The following CAMSAP3 variants were observed in gnomAD, a reference collection of about 807,000 sequenced individuals.
CAMSAP3 encodes calmodulin-regulated spectrin-associated protein 3.
A neutral mutation model predicts 112.5 loss-of-function variants in CAMSAP3; 34 were observed. The ratio of observed to expected loss-of-function variants is 0.30; its 90% CI spans 0.23 to 0.40. The LOEUF is 0.40. Among genes scored for constraint, CAMSAP3 ranks in the 10% least tolerant of loss-of-function variants. The pLI, the probability that CAMSAP3 is intolerant of heterozygous loss-of-function variation, is 1.00. For synonymous variants in CAMSAP3, 868 were observed against 799.8 expected (o/e 1.09, Z -1.44); for missense variants, 1,602 against 1,770.3 (o/e 0.90, Z 1.71).
At chr19:7,608,059 C>T (rs1364601878) in intron 4 of CAMSAP3, 67 bp from the exon 5 acceptor site, 4 of 1,569,954 alleles carry the variant, frequency 2.5e-6, no homozygotes, top group Non-Finnish European at 3.5e-6. Context: ...CCTCCCTGCC[C>T]AGCCTGCATG....
chr19:7,603,053 C>T (rs1344096821), intron 1 of CAMSAP3, among the ~76,000 whole-genome samples: 1 of 151,992 alleles, frequency 6.6e-6, no homozygotes, highest in African/African-American at 2.4e-5. Flanking sequence ...TTAAGTGGGA[C>T]GGTCCAGTGT....
chr19:7,606,694 T>TC, intron 4 of CAMSAP3, 123 bp downstream of exon 4: 2 of 1,587,480 alleles, frequency 1.3e-6, no homozygotes, highest in South Asian at 1.1e-5. Context: ...CTCTCTTTCT[T>TC]CCCCCCTCTC....
intron 1 of CAMSAP3, among the ~76,000 whole-genome samples, chr19:7,603,892 T>C (rs1173303118): frequency 6.6e-6 from 1 of 152,064 alleles, no homozygotes; most frequent in Admixed American, 6.6e-5. Flanking sequence ...CCCAGCACTT[T>C]GGGAGGCCAA....
chr19:7,615,328 G>A lies in CAMSAP3; in HGVS notation c.2810+6G>A. On this transcript the variant is annotated splice_donor_region_variant and intron_variant, in intron 12 of 16. Coordinates refer to ENST00000160298, the MANE Select transcript of CAMSAP3 (RefSeq NM_020902.2). The surrounding 1 kb of genome is among the most constrained non-coding windows in gnomAD (Gnocchi z 6.5). ...CGGAGGGAGGAGGCCGCGAGGTGAG[G>A]CCGGGCCTGCCCGGGACGCCCGCTC... 6.5e-7 allele frequency: 1 copy of A among 1,542,198 alleles called. No individual in the cohort carries two copies. Among genetic ancestry groups the A allele is most frequent in the Non-Finnish European group, 8.8e-7 (1 of 1,141,800 alleles).
rs752323641 is a variant in CAMSAP3 at position 7,608,106 on chromosome 19, G to C, written c.622-20G>C. 1.2e-6 allele frequency: 2 copies of C among 1,607,326 alleles called. No individual in the cohort carries two copies. The highest frequency in any genetic ancestry group is 2.2e-5 in the East Asian group (1 of 44,824). On this transcript the variant is annotated intron_variant, in intron 4 of 16. Transcript: ENST00000160298. ...TGGGGGCCAGCCTGGCCACTCACCT[G>C]ACCTGGCTCCCATCTGCAGATCCGA...
rs201616689 is a variant in CAMSAP3, at chr19:7,615,170, C to T, written c.2671-13C>T. 13 of 1,553,802 alleles carry T rather than the reference C, an allele frequency of 8.4e-6. No homozygotes were observed. The highest frequency in any genetic ancestry group is 5.9e-5 in the South Asian group (5 of 84,290). On this transcript the variant is annotated splice_polypyrimidine_tract_variant and intron_variant, in intron 11 of 16. Transcript: ENST00000160298. The surrounding 1 kb of genome is among the most constrained non-coding windows in gnomAD (Gnocchi z 6.5). Reference sequence around the variant, plus strand: ...GGAGGGGGTGGCTGGCTGGACTCGGCGTCTGTCCCCAGGATGAAGACAAGC... The same window carrying T: ...GGAGGGGGTGGCTGGCTGGACTCGGTGTCTGTCCCCAGGATGAAGACAAGC...
At position 7,615,094 on chromosome 19, in the gene CAMSAP3, G is replaced by A; in HGVS notation, c.2671-89G>A. 1 of 1,470,268 alleles carries A rather than the reference G, an allele frequency of 6.8e-7. No individual in the cohort carries two copies. The highest frequency in any genetic ancestry group is 9.3e-7 in the Non-Finnish European group (1 of 1,074,950). The allele number at this position is 1,470,268 out of a possible 1,614,324, so 91.1% of individuals were successfully genotyped here. ...CAATGATGAAAACAAAAGCACAGGT[G>A]GGTGGCGGGCAGGCTGGGTGGAGGG... On this transcript the variant is annotated intron_variant, in intron 11 of 16. Coordinates refer to ENST00000160298, the MANE Select transcript of CAMSAP3 (RefSeq NM_020902.2). This position sits in a 1 kb window ranked among gnomAD's most constrained non-coding sequence, Gnocchi z 6.5.
rs2030237270 is a variant in CAMSAP3 at position 7,606,571 on chromosome 19, G to A, written c.621G>A (p.Ser207=). 1.3e-6 allele frequency: 2 copies of A among 1,526,748 alleles called. No individual in the cohort carries two copies. The highest frequency in any genetic ancestry group is 8.8e-7 in the Non-Finnish European group (1 of 1,142,184). The allele number at this position is 1,526,748 out of a possible 1,614,324, so 94.6% of individuals were successfully genotyped here. A position where few individuals can be genotyped will look rare whatever the true frequency, so the allele number is the denominator to read the frequency against. The change falls in exon 4 of 17, where the codon TCG becomes TCA. Residue 207 remains serine, a splice_region_variant and synonymous_variant. Transcript: ENST00000160298. The part of the protein sequence containing the change: ...PADGAAPAQP[S]IRYRKDRVVA... Reference sequence around the variant, plus strand: ...ACGGGGCGGCCCCGGCGCAGCCCTCGGTGAGGCCAGGGCATAGAACCGTCA... The same window carrying A: ...ACGGGGCGGCCCCGGCGCAGCCCTCAGTGAGGCCAGGGCATAGAACCGTCA...
At chr19:7,596,781 T>G (rs2024452330) in intron 1 of CAMSAP3, among the ~76,000 whole-genome samples, 2 of 152,096 alleles carry the variant, frequency 1.3e-5, no homozygotes, top group South Asian at 4.1e-4. Flanking sequence ...ATGGCCCCAT[T>G]TTACTGGGGA....
chr19:7,595,898 G>GCGGCGGTA lies in CAMSAP3; in HGVS notation c.-105_-104insCGGCGGTA, dbSNP rs2024425382. ...CAGCAGCGGCGGCGGCGGCGGCGGC[G>GCGGCGGTA]GCAGCGGCGGTAGCAGCAGCGGGCC... On this transcript the variant is annotated 5_prime_UTR_variant, in exon 1 of 17. Coordinates refer to ENST00000160298, the MANE Select transcript of CAMSAP3 (RefSeq NM_020902.2). 3.2e-5 allele frequency: 14 copies of GCGGCGGTA among 433,652 alleles called. No individual in the cohort carries two copies. Among genetic ancestry groups the GCGGCGGTA allele is most frequent in the South Asian group, 9.5e-5 (1 of 10,548 alleles). The allele number at this position is 433,652 out of a possible 1,614,324, so 26.9% of individuals were successfully genotyped here. A position where few individuals can be genotyped will look rare whatever the true frequency, so the allele number is the denominator to read the frequency against.
At chr19:7,605,030 G>A (rs896163128) in intron 1 of CAMSAP3, among the ~76,000 whole-genome samples, 196 bp from the exon 2 acceptor site, 1 of 151,846 alleles carries the variant, frequency 6.6e-6, no homozygotes. Context: ...TGCCTACAAC[G>A]CCATCACCCC....
chr19:7,615,778 G>C lies in CAMSAP3; in HGVS notation c.3112+59G>C. 8.1e-7 allele frequency: 1 copy of C among 1,237,496 alleles called. No homozygotes were observed. The highest frequency in any genetic ancestry group is 1.0e-6 in the Non-Finnish European group (1 of 970,256). The allele number at this position is 1,237,496 out of a possible 1,614,324, so 76.7% of individuals were successfully genotyped here. On this transcript the variant is annotated intron_variant, in intron 13 of 16. Transcript: ENST00000160298. The surrounding 1 kb of genome is among the most constrained non-coding windows in gnomAD (Gnocchi z 6.5). ...GCCCTTTCCGGGGCTCACTGGGTGA[G>C]GCCCCCATGGGTAAGGGGGGAGGGG...
chr19:7,607,871 A>G lies in CAMSAP3; in HGVS notation c.622-255A>G. 8.5e-7 allele frequency: 1 copy of G among 1,177,720 alleles called. No individual in the cohort carries two copies. The highest frequency in any genetic ancestry group is 2.5e-5 in the East Asian group (1 of 40,316). The allele number at this position is 1,177,720 out of a possible 1,614,324, so 73.0% of individuals were successfully genotyped here. A position where few individuals can be genotyped will look rare whatever the true frequency, so the allele number is the denominator to read the frequency against. The stretch of plus-strand genomic sequence containing the variant: ...AGTCGGGGAGCAAACCCCCCATGGT[A>G]ATGTATCCCCCGCCCCGGGGTCCCA... On this transcript the variant is annotated intron_variant, in intron 4 of 16. Coordinates refer to ENST00000160298, the MANE Select transcript of CAMSAP3 (RefSeq NM_020902.2). This position sits in a 1 kb window ranked among gnomAD's most constrained non-coding sequence, Gnocchi z 4.9.
chr19:7,598,236 A>T (rs1277970739), intron 1 of CAMSAP3, among the ~76,000 whole-genome samples: 3 of 152,146 alleles, frequency 2.0e-5, no homozygotes, highest in Non-Finnish European at 4.4e-5. Flanking sequence ...GTCTGGAAGG[A>T]TGCATGGAAG....
In CAMSAP3 at chr19:7,617,600, C is replaced by G; in HGVS notation, c.3383C>G (p.Ala1128Gly). ...AKSNKFIIHN[A>G]LSHCCLAGKV... ...TCCAACAAGTTCATCATCCACAATG[C>G]CCTATCACACTGCTGCCTGGCGGGC... Residue 1128 changes from alanine (A) to glycine (G), a missense_variant, in exon 16 of 17, where the codon GCC becomes GGC. Around this residue, in one of 6 missense-constraint regions of CAMSAP3, gnomAD observed 150 missense variants for 207.6 expected, o/e 0.72. Coordinates refer to ENST00000160298, the MANE Select transcript of CAMSAP3 (RefSeq NM_020902.2). The surrounding 1 kb of genome is among the most constrained non-coding windows in gnomAD (Gnocchi z 7.5). The G allele has an allele frequency of 6.2e-7, 1 of 1,614,204 alleles. No individual in the cohort carries two copies. The highest frequency in any genetic ancestry group is 8.5e-7 in the Non-Finnish European group (1 of 1,180,050).
At position 7,605,403 on chromosome 19, in the gene CAMSAP3, C is replaced by A; in HGVS notation, c.326C>A (p.Ala109Glu). 1 of 1,526,354 alleles carries A rather than the reference C, an allele frequency of 6.6e-7. No individual in the cohort carries two copies. The highest frequency in any genetic ancestry group is 1.2e-5 in the South Asian group (1 of 80,696). The allele number at this position is 1,526,354 out of a possible 1,614,324, so 94.6% of individuals were successfully genotyped here. ...CCCTCTGCACTGCTGGCCCTGCTGG[C>A]GCGGAGGGGCACAGTGCCTGCTTTG... ...PNPSALLALL[A>E]RRGTVPALPE... The change falls in exon 2 of 17, where the codon GCG becomes GAG. Residue 109 changes from alanine (A) to glutamate (E), a missense_variant. Around this residue, in one of 6 missense-constraint regions of CAMSAP3, gnomAD observed 147 missense variants for 144.6 expected, o/e 1.02. Coordinates refer to ENST00000160298, the MANE Select transcript of CAMSAP3 (RefSeq NM_020902.2).
chr19:7,610,851 G>T lies in CAMSAP3; in HGVS notation c.995-26G>T, dbSNP rs774561504. 35 of 1,609,046 alleles carry T rather than the reference G, an allele frequency of 2.2e-5. No homozygotes were observed. Among genetic ancestry groups the T allele is most frequent in the Middle Eastern group, 4.1e-4 (2 of 4,848 alleles). On this transcript the variant is annotated intron_variant, in intron 7 of 16. Transcript: ENST00000160298. This position sits in a 1 kb window ranked among gnomAD's most constrained non-coding sequence, Gnocchi z 4.9. ...GGGCGGGTGGGAGAGCCAAACCCCC[G>T]CCTGACCCTCTTCTCTGTACTGCAG...
chr19:7,609,272 C>T (rs2030359503), intron 5 of CAMSAP3, among the ~76,000 whole-genome samples: 1 of 147,436 alleles, frequency 6.8e-6, no homozygotes, highest in South Asian at 2.1e-4. Context: ...GAGTCAAGAC[C>T]ATGCCATTGC....
In CAMSAP3 at chr19:7,596,143, G is replaced by T; in HGVS notation, c.141G>T (p.Gly47=). 1 of 1,162,008 alleles carries T rather than the reference G, an allele frequency of 8.6e-7. No individual in the cohort carries two copies. The highest frequency in any genetic ancestry group is 1.1e-6 in the Non-Finnish European group (1 of 923,574). 72.0% of individuals were successfully genotyped at this position (1,162,008 alleles called of 1,614,324 possible). ...SLAWVLRAAF[G]GAEHVPPELW... is the part of the protein sequence containing the mutation. Reference sequence around the variant, plus strand: ...CGTGGGTGCTGCGGGCCGCGTTCGGGGGCGCAGGTACCGGGGCTCGGGGGA... The same window carrying T: ...CGTGGGTGCTGCGGGCCGCGTTCGGTGGCGCAGGTACCGGGGCTCGGGGGA... The change falls in exon 1 of 17, where the codon GGG becomes GGT. Residue 47 remains glycine, a synonymous_variant. Transcript: ENST00000160298.
Sources: gnomAD v4.1 joint callset for allele counts (sites outside exome capture counted in the v4.1 genomes callset) on GRCh38, gnomAD v4.1.1 for gene constraint, gnomAD v4.1.1 regional missense constraint, Gnocchi (gnomAD v3.1) non-coding constraint, MANE v1.5 for transcripts, NCBI Gene and HGNC (gene_info 2026-07-23, HGNC 2026-07-21) for gene names.